The following NR3C1 variants were observed in gnomAD, a reference collection of about 807,000 sequenced individuals.
NR3C1 encodes glucocorticoid receptor.
NR3C1 carries 14 observed loss-of-function variants against 74.0 expected under a neutral mutation model. That is an observed-to-expected ratio of 0.19 (90% CI 0.12 to 0.30). The LOEUF (loss-of-function observed/expected upper bound fraction) is 0.30. NR3C1 is among the 10% of genes least tolerant of loss of function. The pLI is 1.00. For missense variants in NR3C1, 695 were observed against 909.8 expected (o/e 0.76, Z 3.04); for synonymous variants, 308 against 332.5 (o/e 0.93, Z 0.80).
intron 2 of NR3C1, among the ~76,000 whole-genome samples, chr5:143,324,287 A>C (rs879588995): frequency 3.3e-5 from 5 of 152,196 alleles, no homozygotes; most frequent in Admixed American, 6.5e-5. Context: ...CGTCTTCTAA[A>C]ATCTAGGCAG....
chr5:143,389,536 G>T (rs2151911385), intron 2 of NR3C1, among the ~76,000 whole-genome samples: 1 of 152,102 alleles, frequency 6.6e-6, no homozygotes, highest in East Asian at 1.9e-4. Flanking sequence ...TTTCCTTCTG[G>T]CTTCCTTATT....
intron 2 of NR3C1, among the ~76,000 whole-genome samples, chr5:143,328,745 A>G (rs572529247): frequency 5.8e-4 from 88 of 152,332 alleles, no homozygotes; most frequent in African/African-American, 1.9e-3. Context: ...TCTCTAGGGC[A>G]GGGGTAAAAT....
chr5:143,290,151 A>G (rs1186342231), intron 7 of NR3C1, among the ~76,000 whole-genome samples: 1 of 152,204 alleles, frequency 6.6e-6, no homozygotes, highest in Non-Finnish European at 1.5e-5. Flanking sequence ...TTTAAGGAGT[A>G]TTTTGCCTTA....
chr5:143,368,783 G>A (rs779378873), intron 2 of NR3C1, among the ~76,000 whole-genome samples: 3 of 152,082 alleles, frequency 2.0e-5, no homozygotes, highest in Non-Finnish European at 2.9e-5. Context: ...AACTGAATAC[G>A]TGAGACTGTG....
At chr5:143,405,167 A>G (rs1841027536), upstream of NR3C1, 10 of 985,384 alleles carry the variant, frequency 1.0e-5, no homozygotes, top group Non-Finnish European at 1.1e-5. Flanking sequence ...GGCACAGATT[A>G]TGATTTTTGT....
intron 1 of NR3C1, among the ~76,000 whole-genome samples, chr5:143,420,064 T>C (rs1346701485): frequency 6.6e-6 from 1 of 152,216 alleles, no homozygotes; most frequent in Non-Finnish European, 1.5e-5. Context: ...TATGGCTCTG[T>C]TCCCCCTGGC....
chr5:143,345,072 G>A (rs963418953), intron 2 of NR3C1, among the ~76,000 whole-genome samples: 5 of 152,156 alleles, frequency 3.3e-5, no homozygotes, highest in African/African-American at 1.2e-4. Flanking sequence ...CAGTTTGAGT[G>A]TGAGTGTGCA....
intron 1 of NR3C1, among the ~76,000 whole-genome samples, chr5:143,420,066 C>A (rs975507638): frequency 1.3e-5 from 2 of 152,142 alleles, no homozygotes; most frequent in Non-Finnish European, 2.9e-5. Context: ...TGGCTCTGTT[C>A]CCCCTGGCTC....
chr5:143,378,408 A>G (rs1022997066), intron 2 of NR3C1, among the ~76,000 whole-genome samples: 2 of 152,182 alleles, frequency 1.3e-5, no homozygotes, highest in African/African-American at 4.8e-5. Flanking sequence ...ACCCTTAATA[A>G]AAAATTACAC....
chr5:143,331,852 A>T (rs1253376455), intron 2 of NR3C1, among the ~76,000 whole-genome samples: 1 of 152,206 alleles, frequency 6.6e-6, no homozygotes, highest in Admixed American at 6.5e-5. Context: ...TGGGTGATGA[A>T]ATAATCTGTA....
intron 4 of NR3C1, among the ~76,000 whole-genome samples, chr5:143,301,833 T>C (rs1472786120): frequency 6.6e-6 from 1 of 152,116 alleles, no homozygotes; most frequent in Non-Finnish European, 1.5e-5. Flanking sequence ...TGACACACCA[T>C]ATAGTCTATG....
In NR3C1 at chr5:143,410,667, G is replaced by A. The variant is rs1841260754; in HGVS notation, c.-13-9815C>T. ...GATATCTACCCCACCTATCACACAG[G>A]AAGTAATGTAGGCCTTACATGGGAT... On this transcript the variant is annotated intron_variant, in intron 1 of 8. Transcript: ENST00000343796. Among the ~76,000 whole-genome samples, 5 of 152,170 alleles carry A rather than the reference G, an allele frequency of 3.3e-5. 1 individual carries two copies. The South Asian group carries it at 1.0e-3, about 32-fold the overall frequency.
At chr5:143,414,814 G>C (rs913285867) in intron 1 of NR3C1, among the ~76,000 whole-genome samples, 3 of 152,204 alleles carry the variant, frequency 2.0e-5, no homozygotes, top group African/African-American at 7.2e-5. Context: ...TGCTATATTA[G>C]TACATTTCCA....
intron 4 of NR3C1, among the ~76,000 whole-genome samples, chr5:143,307,700 G>A (rs558308173): frequency 2.0e-5 from 3 of 152,112 alleles, no homozygotes; most frequent in South Asian, 4.2e-4. Context: ...AATTGGGACC[G>A]GAGAAAATAA....
At chr5:143,405,250 C>A, upstream of NR3C1, 1 of 985,802 alleles carries the variant, frequency 1.0e-6, no homozygotes, top group Non-Finnish European at 1.2e-6. Flanking sequence ...CAGGTGACAT[C>A]GCTTGCCAGC....
intron 4 of NR3C1, among the ~76,000 whole-genome samples, chr5:143,308,278 A>G (rs994535765): frequency 6.6e-6 from 1 of 152,110 alleles, no homozygotes; most frequent in Non-Finnish European, 1.5e-5. Context: ...CTGGGAACAT[A>G]GCAAGACCCC....
At chr5:143,366,933 G>A (rs1359506108) in intron 2 of NR3C1, among the ~76,000 whole-genome samples, 7 of 152,148 alleles carry the variant, frequency 4.6e-5, no homozygotes, top group Non-Finnish European at 7.4e-5. Flanking sequence ...GGAACACTTA[G>A]TAAACTATAC....
intron 2 of NR3C1, among the ~76,000 whole-genome samples, chr5:143,373,868 G>C (rs1020561000): frequency 6.6e-6 from 1 of 152,072 alleles, no homozygotes; most frequent in Admixed American, 6.5e-5. Context: ...TAGGTACAAA[G>C]AGGTGTTTAT....
At chr5:143,346,255 T>C (rs964185439) in intron 2 of NR3C1, among the ~76,000 whole-genome samples, 5 of 152,200 alleles carry the variant, frequency 3.3e-5, no homozygotes, top group African/African-American at 9.7e-5. Context: ...ATTGTGCCTC[T>C]TCTTCTCCTC....
Sources: allele counts gnomAD v4.1 joint callset (sites outside exome capture counted in the v4.1 genomes callset), GRCh38; gene constraint gnomAD v4.1.1; transcripts MANE v1.5; gene names NCBI Gene and HGNC (gene_info 2026-07-23, HGNC 2026-07-21).